Variants in TTC28 observed in about 807,000 individuals in gnomAD.
The protein encoded by TTC28 is tetratricopeptide repeat domain 28, also known as tetratricopeptide repeat protein 28.
TTC28 carries 61 observed loss-of-function variants against 198.0 expected under a neutral mutation model. That is an observed-to-expected ratio of 0.31 (90% CI 0.25 to 0.38). The LOEUF (loss-of-function observed/expected upper bound fraction) is 0.38. TTC28 is among the 10% of genes least tolerant of loss of function. The pLI is 1.00. For missense variants in TTC28, 2,678 were observed against 3,164.0 expected (o/e 0.85, Z 3.69); for synonymous variants, 1,171 against 1,297.8 (o/e 0.90, Z 2.10).
chr22:28,621,538 G>A (rs2050996766), intron 2 of TTC28, among the ~76,000 whole-genome samples: 1 of 150,822 alleles, frequency 6.6e-6, no homozygotes, highest in Non-Finnish European at 1.5e-5. Context: ...AACACAGCAA[G>A]ACCCTACCAC....
At chr22:28,086,758 G>C (rs1178538141) in intron 12 of TTC28, among the ~76,000 whole-genome samples, 1 of 152,084 alleles carries the variant, frequency 6.6e-6, no homozygotes, top group Non-Finnish European at 1.5e-5. Context: ...AAAATTGATA[G>C]ACCACTAGCA....
chr22:28,521,867 C>T (rs750405162), intron 2 of TTC28, among the ~76,000 whole-genome samples: 1 of 152,102 alleles, frequency 6.6e-6, no homozygotes, highest in Admixed American at 6.6e-5. Flanking sequence ...AATTCAGAAC[C>T]CATTAGGGCT....
rs71194779 is a variant in TTC28 at position 28,590,034 on chromosome 22, CAAAAAAAAAAAAAAAA to C, written c.381+39502_381+39517del. Reference sequence around the variant, plus strand: ...CCTGGGCAACAGAACAAGACTCCATCAAAAAAAAAAAAAAAAAAAAAAAAAAAACACAGAAAACCTG... The same window carrying C: ...CCTGGGCAACAGAACAAGACTCCATCAAAAAAAAAAAACACAGAAAACCTG... On this transcript the variant is annotated intron_variant, in intron 2 of 22. Coordinates refer to ENST00000397906, the MANE Select transcript of TTC28 (RefSeq NM_001145418.2). Among the ~76,000 whole-genome samples, 7 of 68,074 alleles carry C rather than the reference CAAAAAAAAAAAAAAAA, an allele frequency of 1.0e-4. No individual in the cohort carries two copies. The East Asian group carries it at 1.4e-3, about 14-fold the overall frequency. The allele number at this position is 68,074 out of a possible 152,430, so 44.7% of individuals were successfully genotyped here. A position where few individuals can be genotyped will look rare whatever the true frequency, so the allele number is the denominator to read the frequency against.
intron 12 of TTC28, among the ~76,000 whole-genome samples, chr22:28,065,358 T>C (rs774088223): frequency 1.3e-5 from 2 of 152,194 alleles, no homozygotes; most frequent in Non-Finnish European, 2.9e-5. Flanking sequence ...TTCTTCTTTC[T>C]CCACTGACTT....
intron 5 of TTC28, among the ~76,000 whole-genome samples, chr22:28,290,373 G>T (rs2044765077): frequency 6.6e-6 from 1 of 152,116 alleles, no homozygotes; most frequent in South Asian, 2.1e-4. Context: ...TAAAATTGAA[G>T]ATGGTAAGAC....
chr22:28,408,104 T>C (rs1423273650), intron 2 of TTC28, among the ~76,000 whole-genome samples: 2 of 152,020 alleles, frequency 1.3e-5, no homozygotes, highest in African/African-American at 4.8e-5. Flanking sequence ...TTTTATAGAG[T>C]AGACTTAATT....
intron 2 of TTC28, among the ~76,000 whole-genome samples, chr22:28,429,466 GAACA>G (rs1337966042): frequency 6.6e-6 from 1 of 152,008 alleles, no homozygotes; most frequent in Non-Finnish European, 1.5e-5. Context: ...TATAAAATGT[GAACA>G]AATAGGTGCT....
chr22:28,107,970 G>C lies in TTC28; in HGVS notation c.1875C>G (p.Pro625=). Residue 625 remains proline, a synonymous_variant, in exon 7 of 23, where the codon CCC becomes CCG. Transcript: ENST00000397906. ...CTTCTCCTTCCATGTCTTGAAGGTC[G>C]GGAGCAAGCCGGAGGTACTGTTCAT... ...PYYEQYLRLA[P]DLQDMEGEGK... is the part of the protein sequence containing the mutation. The C allele has an allele frequency of 6.4e-7, 1 of 1,551,596 alleles. No individual in the cohort carries two copies. The highest frequency in any genetic ancestry group is 8.7e-7 in the Non-Finnish European group (1 of 1,146,984).
At chr22:28,555,037 T>C (rs1465917814) in intron 2 of TTC28, among the ~76,000 whole-genome samples, 1 of 152,120 alleles carries the variant, frequency 6.6e-6, no homozygotes, top group Non-Finnish European at 1.5e-5. Context: ...AAAAGTGAGC[T>C]GAAGACATAA....
intron 2 of TTC28, among the ~76,000 whole-genome samples, chr22:28,582,316 T>C (rs1943464315): frequency 6.6e-6 from 1 of 152,078 alleles, no homozygotes; most frequent in African/African-American, 2.4e-5. Context: ...AGAACAACTT[T>C]AAAATTACAC....
At chr22:28,435,642 A>C (rs1397352672) in intron 2 of TTC28, among the ~76,000 whole-genome samples, 2 of 152,158 alleles carry the variant, frequency 1.3e-5, no homozygotes, top group Non-Finnish European at 2.9e-5. Flanking sequence ...GGGCCAATTA[A>C]ACTCTGTAGC....
At chr22:28,166,154 G>A (rs1165470000) in intron 5 of TTC28, among the ~76,000 whole-genome samples, 1 of 152,162 alleles carries the variant, frequency 6.6e-6, no homozygotes, top group Non-Finnish European at 1.5e-5. Context: ...ACCCAATACA[G>A]GAGCACCCAG....
At chr22:28,629,919 T>C (rs1197339095) in intron 1 of TTC28, 89 bp from the exon 2 acceptor site, 2 of 1,197,534 alleles carry the variant, frequency 1.7e-6, no homozygotes, top group Non-Finnish European at 2.3e-6. Context: ...TCCCCTCCAG[T>C]TGCACATTAA....
At chr22:28,456,726 C>T (rs2047866047) in intron 2 of TTC28, among the ~76,000 whole-genome samples, 1 of 152,180 alleles carries the variant, frequency 6.6e-6, no homozygotes, top group African/African-American at 2.4e-5. Context: ...CAGGCGCATG[C>T]CACCATGCCC....
In TTC28 at chr22:28,474,523, G is replaced by A. The variant is rs147086968; in HGVS notation, c.381+155029C>T. ...GGCTGGGAGATACCAGGTGTGGTTA[G>A]AGGGTTCCATAATGAAAAACATGTA... is the stretch of plus-strand genomic sequence containing the variant. On this transcript the variant is annotated intron_variant, in intron 2 of 22. Coordinates refer to ENST00000397906, the MANE Select transcript of TTC28 (RefSeq NM_001145418.2). Among the ~76,000 whole-genome samples, 12 of 152,320 alleles carry A rather than the reference G, an allele frequency of 7.9e-5. No homozygotes were observed. The South Asian group carries it at 8.3e-4, about 11-fold the overall frequency.
intron 5 of TTC28, among the ~76,000 whole-genome samples, chr22:28,214,317 A>C (rs536302710): frequency 6.6e-6 from 1 of 152,352 alleles, no homozygotes; most frequent in Non-Finnish European, 1.5e-5. Flanking sequence ...TGCACAGCAA[A>C]AGAAACTACC....
chr22:28,502,520 C>T (rs1194033219), intron 2 of TTC28, among the ~76,000 whole-genome samples: 1 of 150,186 alleles, frequency 6.7e-6, no homozygotes, highest in Non-Finnish European at 1.5e-5. Flanking sequence ...TGGTGGCGGG[C>T]GTCTGTAGTC....
chr22:28,376,095 G>C (rs1386916244), intron 2 of TTC28, among the ~76,000 whole-genome samples: 1 of 152,124 alleles, frequency 6.6e-6, no homozygotes, highest in Non-Finnish European at 1.5e-5. Context: ...ATAATCTCAT[G>C]AGCCAATTCC....
At chr22:28,396,477 A>C (rs2046818204) in intron 2 of TTC28, among the ~76,000 whole-genome samples, 1 of 152,142 alleles carries the variant, frequency 6.6e-6, no homozygotes, top group Non-Finnish European at 1.5e-5. Context: ...AGCCCAGATC[A>C]TTTCCTCTGT....
Sources: allele counts gnomAD v4.1 joint callset (sites outside exome capture counted in the v4.1 genomes callset), GRCh38; gene constraint gnomAD v4.1.1; transcripts MANE v1.5; gene names NCBI Gene and HGNC (gene_info 2026-07-23, HGNC 2026-07-21).